The following GABRA3 variants were observed in gnomAD, a reference collection of about 807,000 sequenced individuals.
GABRA3 encodes gamma-aminobutyric acid type A receptor subunit alpha3, also known as gamma-aminobutyric acid receptor subunit alpha-3.
GABRA3 carries 10 observed loss-of-function variants against 30.1 expected under a neutral mutation model. That is an observed-to-expected ratio of 0.33 (90% CI 0.20 to 0.56). The LOEUF is 0.56. Among genes scored for constraint, GABRA3 ranks in the 20% least tolerant of loss-of-function variants. The pLI is 0.89. For missense variants in GABRA3, 233 were observed against 392.0 expected, an observed-to-expected ratio of 0.59 and a Z score of 3.42; for synonymous variants, 151 against 146.8, an observed-to-expected ratio of 1.03 and a Z score of -0.21.
At chrX:152,225,374 G>T (rs1468959748) in intron 5 of GABRA3, among the ~76,000 whole-genome samples, 4 of 104,874 alleles carry the variant, frequency 3.8e-5, no homozygotes, top group Non-Finnish European at 5.8e-5. Flanking sequence ...TGGCTCTTGA[G>T]GAACACACAC....
intron 1 of GABRA3, among the ~76,000 whole-genome samples, chrX:152,432,924 A>G (rs1010629969): frequency 1.8e-5 from 2 of 111,136 alleles, no homozygotes; most frequent in African/African-American, 6.5e-5. Context: ...AGAGCTTAAT[A>G]TTGAATAACC....
chrX:152,272,586 G>A (rs754092549), intron 4 of GABRA3, among the ~76,000 whole-genome samples: 6 of 111,818 alleles, frequency 5.4e-5, no homozygotes, highest in Non-Finnish European at 9.4e-5. Flanking sequence ...TAATAATTTG[G>A]GGGACTGTTG....
intron 5 of GABRA3, among the ~76,000 whole-genome samples, chrX:152,230,548 A>G (rs1017927707): frequency 3.6e-5 from 4 of 111,240 alleles, no homozygotes; most frequent in African/African-American, 1.3e-4. Flanking sequence ...AATCATGAGT[A>G]CTTACACTTT....
chrX:152,171,112 A>G (rs1294816818), intron 9 of GABRA3, among the ~76,000 whole-genome samples: 1 of 111,690 alleles, frequency 9.0e-6, no homozygotes, highest in East Asian at 2.8e-4. Context: ...TCATGGGTAG[A>G]CCAAAAATTA....
At position 152,168,157 on chromosome X, in the gene GABRA3, G is replaced by A. The variant is rs1936958683; in HGVS notation, c.*71C>T. On this transcript the variant is annotated 3_prime_UTR_variant, in exon 10 of 10. Coordinates refer to ENST00000370314, the MANE Select transcript of GABRA3 (RefSeq NM_000808.4). ...AGAATCCTGAAATACGCGAAGGGGA[G>A]CCCCGGGGTTTGGGTGCCTGGATGC... The A allele has an allele frequency of 3.5e-6, 3 of 868,587 alleles. No individual in the cohort carries two copies. The allele number at this position is 868,587 out of a possible 1,213,427, so 71.6% of individuals were successfully genotyped here.
Position 152,347,815 on chromosome X carries a change from C to A in GABRA3, c.141-2113G>T, listed in dbSNP as rs1384173675. ...AAAGCAATGCTAGTTTGTGACCAGTCTGGACAATATGGCGAAATCCTGCCT... is the reference window on the plus strand; with the variant it reads ...AAAGCAATGCTAGTTTGTGACCAGTATGGACAATATGGCGAAATCCTGCCT... On this transcript the variant is annotated intron_variant, in intron 2 of 9. Transcript: ENST00000370314. Among the ~76,000 whole-genome samples, 4 of 110,928 alleles carry A rather than the reference C, an allele frequency of 3.6e-5. No homozygotes were observed. In the Admixed American group the frequency reaches 3.9e-4, roughly 11 times the overall value.
Position 152,236,875 on chromosome X carries a change from A to T in GABRA3, c.552-12030T>A, listed in dbSNP as rs1406635131. Among the ~76,000 whole-genome samples the T allele has an allele frequency of 3.0e-4, 31 of 102,680 alleles. No homozygotes were observed. The South Asian group carries it at 0.013, about 43-fold the overall frequency. 89.2% of individuals were successfully genotyped at this position (102,680 alleles called of 115,157 possible). A position where few individuals can be genotyped will look rare whatever the true frequency, so the allele number is the denominator to read the frequency against. On this transcript the variant is annotated intron_variant, in intron 5 of 9. Coordinates refer to ENST00000370314, the MANE Select transcript of GABRA3 (RefSeq NM_000808.4). The stretch of plus-strand genomic sequence containing the variant: ...TTTTCTTGTAAATTTGTTTGAGTTC[A>T]TTGTAGATTCTGGATATTAGCCCTT...
chrX:152,182,489 CTATA>C (rs1225736776), intron 9 of GABRA3, among the ~76,000 whole-genome samples: 1 of 83,420 alleles, frequency 1.2e-5, no homozygotes, highest in East Asian at 3.8e-4. Context: ...AGTATACATA[CTATA>C]TATAGTATAT....
chrX:152,261,081 A>G (rs1211654907), intron 4 of GABRA3, among the ~76,000 whole-genome samples: 1 of 111,092 alleles, frequency 9.0e-6, no homozygotes, highest in Non-Finnish European at 1.9e-5. Context: ...CAAGAGGGGG[A>G]AAAGCCACTT....
At chrX:152,339,870 T>C (rs1453121964) in intron 3 of GABRA3, among the ~76,000 whole-genome samples, 3 of 112,202 alleles carry the variant, frequency 2.7e-5, no homozygotes, top group Non-Finnish European at 5.6e-5. Context: ...TTTGTGTTAG[T>C]ATGATGCATC....
At chrX:152,293,660 C>T (rs2095214933) in intron 3 of GABRA3, among the ~76,000 whole-genome samples, 1 of 111,725 alleles carries the variant, frequency 9.0e-6, no homozygotes, top group South Asian at 3.7e-4. Context: ...GAATTTGATC[C>T]TGTCATTATG....
intron 3 of GABRA3, among the ~76,000 whole-genome samples, chrX:152,306,937 G>C (rs1939728598): frequency 9.0e-6 from 1 of 111,113 alleles, no homozygotes; most frequent in Admixed American, 9.6e-5. Flanking sequence ...CCCTTTTATA[G>C]AAAATATATC....
chrX:152,246,213 C>T (rs1366668399), intron 5 of GABRA3, among the ~76,000 whole-genome samples: 1 of 111,274 alleles, frequency 9.0e-6, no homozygotes, highest in African/African-American at 3.3e-5. Flanking sequence ...TAGCTGGGTT[C>T]TTTGGAACAA....
intron 7 of GABRA3, among the ~76,000 whole-genome samples, chrX:152,199,352 G>A (rs1193125570): frequency 3.8e-5 from 4 of 105,012 alleles, no homozygotes; most frequent in Admixed American, 1.0e-4. Context: ...GGCAACAGGC[G>A]AGACTCTGTC....
At chrX:152,441,050 T>C (rs990973178) in intron 1 of GABRA3, among the ~76,000 whole-genome samples, 2 of 108,699 alleles carry the variant, frequency 1.8e-5, no homozygotes, top group African/African-American at 6.7e-5. Context: ...AACAGATAGA[T>C]GGTTTCCTGG....
intron 8 of GABRA3, among the ~76,000 whole-genome samples, chrX:152,191,552 C>A (rs1376244629): frequency 4.6e-5 from 5 of 108,273 alleles, no homozygotes; most frequent in African/African-American, 1.7e-4. Context: ...GCCTCCTTAG[C>A]CTGGGTCAAG....
intron 1 of GABRA3, among the ~76,000 whole-genome samples, chrX:152,391,801 T>G (rs759393977): frequency 2.7e-5 from 3 of 111,569 alleles, no homozygotes; most frequent in Non-Finnish European, 3.8e-5. Flanking sequence ...CCACCACCAG[T>G]AATTTAGCAT....
intron 2 of GABRA3, among the ~76,000 whole-genome samples, chrX:152,360,075 A>G (rs778716454): frequency 3.1e-3 from 286 of 93,489 alleles, no homozygotes; most frequent in African/African-American, 0.011. Flanking sequence ...ATTGTTGGAC[A>G]TTTGGGTTGG....
At chrX:152,271,138 T>A (rs897568895) in intron 4 of GABRA3, among the ~76,000 whole-genome samples, 2 of 109,855 alleles carry the variant, frequency 1.8e-5, no homozygotes, top group African/African-American at 6.6e-5. Flanking sequence ...AATTATTGCA[T>A]TTTTAGTAGA....
Sources: gnomAD v4.1 joint callset for allele counts (sites outside exome capture counted in the v4.1 genomes callset) on GRCh38, gnomAD v4.1.1 for gene constraint, MANE v1.5 for transcripts, NCBI Gene and HGNC (gene_info 2026-07-23, HGNC 2026-07-21) for gene names.